Variants in CERS3 observed in about 807,000 individuals in gnomAD.
CERS3 encodes the protein LAG1 homolog, ceramide synthase 3.
Under a neutral mutation model 50.3 loss-of-function variants are expected in CERS3, and 33 were observed. The ratio of observed to expected loss-of-function variants is 0.66; its 90% confidence interval spans 0.50 to 0.88. The LOEUF (loss-of-function observed/expected upper bound fraction) is 0.88. Ranked by LOEUF, CERS3 falls within the 40% of genes least tolerant of loss-of-function variation. CERS3 has a pLI of 0.00. For missense variants in CERS3, 470 were observed against 460.3 expected, an observed-to-expected ratio of 1.02 and a Z score of -0.19; for synonymous variants, 176 against 155.2, an observed-to-expected ratio of 1.13 and a Z score of -0.99.
chr15:100,469,609 T>C (rs1042931561), intron 9 of CERS3, 125 bp from the exon 10 acceptor site: 1 of 654,240 alleles, frequency 1.5e-6, no homozygotes, highest in Non-Finnish European at 2.7e-6. Flanking sequence ...AAGTAGGGGG[T>C]ACAGGTGGGG....
intron 10 of CERS3, among the ~76,000 whole-genome samples, chr15:100,463,354 G>A (rs2034611579): frequency 7.3e-6 from 1 of 136,530 alleles, no homozygotes; most frequent in African/African-American, 2.7e-5. Flanking sequence ...AGAATCGCTT[G>A]AACCCGGGAA....
rs377104107 is a variant in CERS3 at position 100,517,335 on chromosome 15, C to T, written c.-2+4332G>A. On this transcript the variant is annotated intron_variant, in intron 2 of 11. Coordinates refer to ENST00000679737, the MANE Select transcript of CERS3 (RefSeq NM_001378789.1). ...GATGGCACTGTGCCTCCAAGTGGTA[C>T]GATGGCCAGCCAGCAGTCCCTCATT... 4.6e-5 allele frequency among the ~76,000 whole-genome samples: 7 copies of T among 152,280 alleles called. 1 individual carries two copies. Among genetic ancestry groups the T allele is most frequent in the South Asian group, 2.1e-4 (1 of 4,826 alleles).
intron 1 of CERS3, among the ~76,000 whole-genome samples, chr15:100,541,436 C>T (rs981272966): frequency 6.6e-6 from 1 of 152,106 alleles, no homozygotes. Flanking sequence ...CGTGCCACTG[C>T]ACTCCAGCCT....
chr15:100,413,513 TATA>T (rs2031646158), intron 11 of CERS3, among the ~76,000 whole-genome samples: 2 of 17,876 alleles, frequency 1.1e-4, no homozygotes, highest in African/African-American at 2.9e-4. Context: ...AACTGACGAC[TATA>T]CTATACTATA....
At chr15:100,446,058 C>T (rs2033923829) in intron 11 of CERS3, among the ~76,000 whole-genome samples, 1 of 152,002 alleles carries the variant, frequency 6.6e-6, no homozygotes, top group Non-Finnish European at 1.5e-5. Flanking sequence ...CCTTTACCTA[C>T]CCAAATCCTA....
In CERS3 at chr15:100,446,380, TTC is replaced by T. The variant is rs869282293; in HGVS notation, c.999+9511_999+9512del. Among the ~76,000 whole-genome samples, 151 of 103,822 alleles carry T rather than the reference TTC, an allele frequency of 1.5e-3. 3 individuals are homozygous for T. Among genetic ancestry groups the T allele is most frequent in the Admixed American group, 2.1e-3 (18 of 8,486 alleles). The allele number at this position is 103,822 out of a possible 152,430, so 68.1% of individuals were successfully genotyped here. ...ACTTCTCAGGTTTTTTTTTTTTTTT[TTC>T]TTTAGATTAACCGAGATGTGGGCTA... On this transcript the variant is annotated intron_variant, in intron 11 of 11. Coordinates refer to ENST00000679737, the MANE Select transcript of CERS3 (RefSeq NM_001378789.1).
intron 11 of CERS3, among the ~76,000 whole-genome samples, chr15:100,443,279 T>G (rs1298027427): frequency 1.3e-5 from 2 of 151,518 alleles, no homozygotes; most frequent in African/African-American, 2.4e-5. Flanking sequence ...TCAACGCCAA[T>G]ATCCCATCCC....
Position 100,473,055 on chromosome 15 carries a change from G to A in CERS3, c.610-3C>T. The A allele has an allele frequency of 6.2e-7, 1 of 1,610,598 alleles. No individual in the cohort carries two copies. Among genetic ancestry groups the A allele is most frequent in the South Asian group, 1.1e-5 (1 of 90,604 alleles). ...TGGATGATATGAGCTAGAAAATCCTGTAAGATGAGGGAAAATGGAAGCCAT... is the reference window on the plus strand; with the variant it reads ...TGGATGATATGAGCTAGAAAATCCTATAAGATGAGGGAAAATGGAAGCCAT... On this transcript the variant is annotated splice_polypyrimidine_tract_variant and splice_region_variant and intron_variant, in intron 8 of 11. Coordinates refer to ENST00000679737, the MANE Select transcript of CERS3 (RefSeq NM_001378789.1).
intron 10 of CERS3, among the ~76,000 whole-genome samples, chr15:100,466,349 A>C (rs1337350125): frequency 6.6e-6 from 1 of 152,194 alleles, no homozygotes; most frequent in Non-Finnish European, 1.5e-5. Flanking sequence ...TATTGCAGAA[A>C]CTTCTCAGAG....
At chr15:100,512,608 A>G (rs1178337870) in intron 2 of CERS3, among the ~76,000 whole-genome samples, 1 of 152,162 alleles carries the variant, frequency 6.6e-6, no homozygotes, top group Non-Finnish European at 1.5e-5. Flanking sequence ...CAGAGGTGTG[A>G]CTGCTTCTTA....
At chr15:100,437,236 C>T (rs1434070183) in intron 11 of CERS3, among the ~76,000 whole-genome samples, 1 of 152,150 alleles carries the variant, frequency 6.6e-6, no homozygotes, top group African/African-American at 2.4e-5. Flanking sequence ...TGAGCCACCG[C>T]ACCTGGCCTA....
chr15:100,435,287 A>C (rs997625858), intron 11 of CERS3, among the ~76,000 whole-genome samples: 4 of 152,216 alleles, frequency 2.6e-5, no homozygotes, highest in South Asian at 4.1e-4. Flanking sequence ...CGTGTGACTA[A>C]GTCAGTCCTG....
At chr15:100,483,787 A>ATTATTATTATTTTTTTTTTTTTTT (rs760594142) in intron 5 of CERS3, among the ~76,000 whole-genome samples, 4 of 100,040 alleles carry the variant, frequency 4.0e-5, no homozygotes, top group African/African-American at 1.1e-4. Flanking sequence ...TATTATTATT[A>ATTATTATTATTTTTTTTTTTTTTT]TTTTTTTTTT....
At chr15:100,541,327 C>G (rs2037197419) in intron 1 of CERS3, among the ~76,000 whole-genome samples, 1 of 152,186 alleles carries the variant, frequency 6.6e-6, no homozygotes. Flanking sequence ...CAAAAATTAG[C>G]CGGGCGTGAT....
chr15:100,432,606 C>T (rs908411268), intron 11 of CERS3, among the ~76,000 whole-genome samples: 1 of 152,166 alleles, frequency 6.6e-6, no homozygotes, highest in African/African-American at 2.4e-5. Context: ...AGTCAGACCA[C>T]ATCTAGAAAA....
At chr15:100,464,577 T>G (rs1489193020) in intron 10 of CERS3, among the ~76,000 whole-genome samples, 1 of 152,248 alleles carries the variant, frequency 6.6e-6, no homozygotes, top group African/African-American at 2.4e-5. Context: ...GGAGGAAAAC[T>G]GTTAGTAGTC....
In CERS3 at chr15:100,473,042, G is replaced by A; in HGVS notation, c.620C>T (p.Ala207Val). 1 of 1,612,968 alleles carries A rather than the reference G, an allele frequency of 6.2e-7. No homozygotes were observed. Among genetic ancestry groups the A allele is most frequent in the Non-Finnish European group, 8.5e-7 (1 of 1,179,686 alleles). The change falls in exon 9 of 12, where the codon GCT becomes GTT. Residue 207 changes from alanine to valine, a missense_variant. Ala to Val is a moderately conservative substitution (Grantham distance 64). Coordinates refer to ENST00000679737, the MANE Select transcript of CERS3 (RefSeq NM_001378789.1). The stretch of plus-strand genomic sequence containing the variant: ...AGCAGCCAGGTGGTGGATGATATGA[G>A]CTAGAAAATCCTGTAAGATGAGGGA... ...GFDVKRKDFLAHIIHHLAAIS... is the reference protein window; with the variant it reads ...GFDVKRKDFLVHIIHHLAAIS...
At chr15:100,416,075 T>C (rs1049770257) in intron 11 of CERS3, among the ~76,000 whole-genome samples, 2 of 152,182 alleles carry the variant, frequency 1.3e-5, no homozygotes, top group Non-Finnish European at 2.9e-5. Context: ...AAGCAACTTA[T>C]AGATTCAATA....
intron 2 of CERS3, among the ~76,000 whole-genome samples, chr15:100,507,997 G>A (rs1342882355): frequency 2.0e-5 from 3 of 152,228 alleles, no homozygotes; most frequent in African/African-American, 7.2e-5. Context: ...TACTAAGAAA[G>A]AGGTAGATTC....
Sources: allele counts gnomAD v4.1 joint callset (sites outside exome capture counted in the v4.1 genomes callset), GRCh38; gene constraint gnomAD v4.1.1; transcripts MANE v1.5; gene names NCBI Gene and HGNC (gene_info 2026-07-23, HGNC 2026-07-21).